BACE2: variants seen among roughly 807,000 people sequenced by gnomAD.
BACE2 encodes the protein 56 kDa aspartic-like protease.
Under a neutral mutation model 46.2 loss-of-function variants are expected in BACE2, and 17 were observed. The ratio of observed to expected loss-of-function variants is 0.37; its 90% CI spans 0.25 to 0.55. The LOEUF is 0.55. BACE2 is among the 20% of genes least tolerant of loss of function. The pLI, the probability that BACE2 is intolerant of heterozygous loss-of-function variation, is 0.82. For synonymous variants in BACE2, 277 were observed against 295.9 expected, an observed-to-expected ratio of 0.94 and a Z score of 0.66; for missense variants, 595 against 698.1, an observed-to-expected ratio of 0.85 and a Z score of 1.66.
intron 8 of BACE2, among the ~76,000 whole-genome samples, chr21:41,260,755 C>T (rs1166547429): frequency 7.2e-5 from 11 of 152,166 alleles, no homozygotes; most frequent in Admixed American, 6.5e-4. Context: ...CTCCGTTGGT[C>T]GCACAGAATG....
At chr21:41,241,252 A>G (rs78797157) in intron 3 of BACE2, among the ~76,000 whole-genome samples, 2,092 of 152,226 alleles carry the variant, frequency 0.014, 42 homozygotes, top group African/African-American at 0.046. Context: ...GAAGCCTTTT[A>G]TGCTTCTGGA....
intron 1 of BACE2, among the ~76,000 whole-genome samples, chr21:41,202,443 A>C (rs141582250): frequency 4.1e-4 from 62 of 152,352 alleles, no homozygotes; most frequent in Admixed American, 1.8e-3. Flanking sequence ...AGAGGGCATT[A>C]TTGCAGAGGA....
intron 2 of BACE2, among the ~76,000 whole-genome samples, chr21:41,233,830 A>G (rs144658998): frequency 1.3e-5 from 2 of 152,196 alleles, no homozygotes; most frequent in South Asian, 4.2e-4. Flanking sequence ...GCATGGTGGC[A>G]TGCGCCTGTA....
At chr21:41,248,838 G>C (rs762236919) in intron 6 of BACE2, among the ~76,000 whole-genome samples, 1 of 152,226 alleles carries the variant, frequency 6.6e-6, no homozygotes, top group Non-Finnish European at 1.5e-5. Flanking sequence ...TTTCAGTTGT[G>C]GTCTTGGCAG....
chr21:41,183,073 C>T, intron 1 of BACE2: 1 of 166,816 alleles, frequency 6.0e-6, no homozygotes. Flanking sequence ...CATTGTCATT[C>T]TATAACTGAG....
rs745503391 is a variant in BACE2 at position 41,275,489 on chromosome 21, G to A, written c.1422G>A (p.Ala474=). 7.4e-6 allele frequency: 12 copies of A among 1,613,918 alleles called. No individual in the cohort carries two copies. Among genetic ancestry groups the A allele is most frequent in the South Asian group, 3.3e-5 (3 of 91,056 alleles). The change falls in exon 9 of 9, where the codon GCG becomes GCA. Residue 474 remains alanine (A), a synonymous_variant. Coordinates refer to ENST00000330333, the MANE Select transcript of BACE2 (RefSeq NM_012105.5). ...SEPILWIVSY[A]LMSVCGAILL... ...CCATTTTGTGGATTGTGTCCTATGC[G>A]CTCATGAGCGTCTGTGGAGCCATCC...
chr21:41,208,166 AAGAGCGAGAAAACCCAC>A (rs1568868010), intron 1 of BACE2, among the ~76,000 whole-genome samples: 1 of 152,228 alleles, frequency 6.6e-6, no homozygotes, highest in Non-Finnish European at 1.5e-5. Flanking sequence ...GAATGTGACC[AAGAGCGAGAAAACCCAC>A]AGACACACCT....
chr21:41,227,515 C>T (rs1986855073), intron 2 of BACE2, among the ~76,000 whole-genome samples: 2 of 152,142 alleles, frequency 1.3e-5, no homozygotes, highest in South Asian at 2.1e-4. Flanking sequence ...ATAGAGGAAA[C>T]CCTGTATATC....
chr21:41,276,502 C>T lies in BACE2; in HGVS notation c.*878C>T, dbSNP rs960114707. Reference sequence around the variant, plus strand: ...CAACAGGTGCTGAACTGTGCATCAACCAGGAAGAGTTCTATCCCCAAGCTG... The same window carrying T: ...CAACAGGTGCTGAACTGTGCATCAATCAGGAAGAGTTCTATCCCCAAGCTG... On this transcript the variant is annotated 3_prime_UTR_variant, in exon 9 of 9. Transcript: ENST00000330333. 1 of 152,224 alleles carries T rather than the reference C, an allele frequency of 6.6e-6. No individual in the cohort carries two copies. Among genetic ancestry groups the T allele is most frequent in the South Asian group, 2.1e-4 (1 of 4,834 alleles). 9.4% of individuals were successfully genotyped at this position (152,224 alleles called of 1,614,324 possible).
intron 1 of BACE2, among the ~76,000 whole-genome samples, chr21:41,195,985 C>T (rs1402066789): frequency 1.3e-5 from 2 of 152,074 alleles, no homozygotes; most frequent in African/African-American, 4.8e-5. Context: ...TATCCTTTGA[C>T]TCAGAAATCC....
At chr21:41,241,725 C>T (rs1268772968) in intron 3 of BACE2, 94 bp from the exon 4 acceptor site, 4 of 1,450,504 alleles carry the variant, frequency 2.8e-6, no homozygotes, top group Non-Finnish European at 3.8e-6. Context: ...GTATAAACAC[C>T]AGGAATGTCT....
chr21:41,179,742 A>T (rs1329646522), intron 1 of BACE2: 1 of 1,059,660 alleles, frequency 9.4e-7, no homozygotes, highest in Non-Finnish European at 1.3e-6. Context: ...AATCAAGCTG[A>T]GGGTGCCTGG....
At chr21:41,251,479 C>G (rs1174545689) in intron 7 of BACE2, among the ~76,000 whole-genome samples, 1 of 152,216 alleles carries the variant, frequency 6.6e-6, no homozygotes, top group East Asian at 1.9e-4. Flanking sequence ...CCACATCACC[C>G]TTATACATTT....
intron 1 of BACE2, among the ~76,000 whole-genome samples, chr21:41,170,182 A>G (rs1225172476): frequency 6.7e-6 from 1 of 149,720 alleles, no homozygotes; most frequent in Non-Finnish European, 1.5e-5. Flanking sequence ...GAGAAGCCTG[A>G]AGAAGGACTA....
chr21:41,211,899 C>T (rs768776131), intron 1 of BACE2, among the ~76,000 whole-genome samples: 4 of 152,216 alleles, frequency 2.6e-5, no homozygotes, highest in Non-Finnish European at 5.9e-5. Context: ...GTGCATCAAC[C>T]AGAGATTAAG....
At chr21:41,189,991 A>C (rs1263367022) in intron 1 of BACE2, among the ~76,000 whole-genome samples, 1 of 152,164 alleles carries the variant, frequency 6.6e-6, no homozygotes, top group East Asian at 1.9e-4. Context: ...AAGCTAGGCC[A>C]GTCTCTCCTT....
chr21:41,170,540 T>C (rs73902938), intron 1 of BACE2, among the ~76,000 whole-genome samples: 1,870 of 152,322 alleles, frequency 0.012, 54 homozygotes, highest in African/African-American at 0.043. Flanking sequence ...AAAGTCAGGC[T>C]TTCCTGACTA....
At chr21:41,169,411 T>C (rs1188133552) in intron 1 of BACE2, among the ~76,000 whole-genome samples, 1 of 151,786 alleles carries the variant, frequency 6.6e-6, no homozygotes, top group Admixed American at 6.6e-5. Flanking sequence ...CTAACACTTT[T>C]TGTAGCAAGA....
chr21:41,211,810 C>T (rs1986310910), intron 1 of BACE2, among the ~76,000 whole-genome samples: 1 of 152,242 alleles, frequency 6.6e-6, no homozygotes, highest in Non-Finnish European at 1.5e-5. Flanking sequence ...CTAGATGAAT[C>T]GCCCAGTTTT....
Sources: allele counts gnomAD v4.1 joint callset (sites outside exome capture counted in the v4.1 genomes callset), GRCh38; gene constraint gnomAD v4.1.1; transcripts MANE v1.5; gene names NCBI Gene and HGNC (gene_info 2026-07-23, HGNC 2026-07-21).